The following AGBL4 variants were observed in gnomAD, a reference collection of about 807,000 sequenced individuals.
AGBL4 encodes the protein AGBL carboxypeptidase 4, also known as cytosolic carboxypeptidase 6.
In AGBL4, 58 loss-of-function variants were observed where a neutral mutation model predicts 66.4. The ratio of observed to expected loss-of-function variants is 0.87; its 90% CI spans 0.71 to 1.09. AGBL4 has a LOEUF of 1.09. AGBL4 is among the 50% of genes least tolerant of loss of function. AGBL4 has a pLI of 0.00. For synonymous variants in AGBL4, 234 were observed against 222.9 expected (o/e 1.05, Z -0.44); for missense variants, 579 against 631.0 (o/e 0.92, Z 0.88).
At chr1:49,877,642 C>T (rs1326492311) in intron 1 of AGBL4, among the ~76,000 whole-genome samples, 6 of 152,014 alleles carry the variant, frequency 3.9e-5, no homozygotes, top group South Asian at 2.1e-4. Flanking sequence ...TGTCTCTGCC[C>T]GACTTTGGTA....
intron 3 of AGBL4, among the ~76,000 whole-genome samples, chr1:49,393,854 A>C (rs991909505): frequency 6.6e-6 from 1 of 152,148 alleles, no homozygotes; most frequent in African/African-American, 2.4e-5. Flanking sequence ...TTACCTGATT[A>C]CTCACATTTA....
At chr1:49,947,916 C>T (rs1182456155) in intron 1 of AGBL4, among the ~76,000 whole-genome samples, 2 of 63,556 alleles carry the variant, frequency 3.1e-5, no homozygotes, top group African/African-American at 1.2e-4. Context: ...AGCTGAGAAT[C>T]AAATCAAGAA....
intron 3 of AGBL4, among the ~76,000 whole-genome samples, chr1:49,453,532 A>T (rs1646324448): frequency 6.6e-6 from 1 of 151,778 alleles, no homozygotes; most frequent in South Asian, 2.1e-4. Context: ...CAATAAAATA[A>T]ATACAATAGA....
intron 2 of AGBL4, among the ~76,000 whole-genome samples, chr1:49,810,330 TTA>T (rs1295506235): frequency 3.3e-5 from 5 of 152,098 alleles, no homozygotes; most frequent in Admixed American, 1.3e-4. Context: ...ATGTATGTCA[TTA>T]AAGGGCCTAT....
chr1:49,729,401 G>A (rs529544588), intron 2 of AGBL4, among the ~76,000 whole-genome samples: 24 of 152,038 alleles, frequency 1.6e-4, no homozygotes, highest in South Asian at 1.0e-3. Context: ...TTAAGAAACC[G>A]AATTTTATAT....
At chr1:48,894,255 C>G (rs1225362371) in intron 5 of AGBL4, among the ~76,000 whole-genome samples, 1 of 152,164 alleles carries the variant, frequency 6.6e-6, no homozygotes, top group African/African-American at 2.4e-5. Context: ...TACTTTATGT[C>G]AGACATTGTC....
intron 6 of AGBL4, among the ~76,000 whole-genome samples, chr1:48,823,713 A>G (rs1646364669): frequency 6.6e-6 from 1 of 152,210 alleles, no homozygotes; most frequent in African/African-American, 2.4e-5. Flanking sequence ...TCTCTAGGTC[A>G]GGAATAAATC....
chr1:49,122,416 A>G (rs1025263324), intron 4 of AGBL4, among the ~76,000 whole-genome samples: 5 of 152,204 alleles, frequency 3.3e-5, no homozygotes, highest in Non-Finnish European at 7.3e-5. Flanking sequence ...GGCTTCCTAA[A>G]TTTGATGAAA....
chr1:49,869,357 A>G (rs912607197), intron 1 of AGBL4, among the ~76,000 whole-genome samples: 3 of 152,242 alleles, frequency 2.0e-5, no homozygotes, highest in Admixed American at 1.3e-4. Context: ...ATGCCCATCA[A>G]TGATAGACTG....
intron 4 of AGBL4, among the ~76,000 whole-genome samples, chr1:49,131,539 C>T (rs910875431): frequency 6.6e-6 from 1 of 151,902 alleles, no homozygotes; most frequent in East Asian, 1.9e-4. Context: ...AGCAGCTAAC[C>T]CAAATTAGGG....
intron 5 of AGBL4, among the ~76,000 whole-genome samples, chr1:48,921,436 G>C (rs567061718): frequency 9.2e-5 from 14 of 152,154 alleles, no homozygotes; most frequent in Non-Finnish European, 1.9e-4. Flanking sequence ...AAGCGATACG[G>C]TAGGTAATAG....
chr1:49,869,825 G>A (rs1043072026), intron 1 of AGBL4, among the ~76,000 whole-genome samples: 1 of 152,112 alleles, frequency 6.6e-6, no homozygotes, highest in Non-Finnish European at 1.5e-5. Flanking sequence ...GAAGAGAAGG[G>A]GGATAAGGGG....
chr1:49,941,737 C>T (rs1200131061), intron 1 of AGBL4, among the ~76,000 whole-genome samples: 2 of 152,016 alleles, frequency 1.3e-5, no homozygotes, highest in East Asian at 3.9e-4. Flanking sequence ...TAAACCTCAA[C>T]ATATTAAAGA....
chr1:49,499,930 A>G (rs1289124337), intron 3 of AGBL4, among the ~76,000 whole-genome samples: 13 of 151,936 alleles, frequency 8.6e-5, no homozygotes, highest in Non-Finnish European at 7.4e-5. Context: ...TCTACTTTTC[A>G]TTCTTTAAAG....
At chr1:49,536,795 T>A (rs1001625855) in intron 3 of AGBL4, among the ~76,000 whole-genome samples, 2 of 152,044 alleles carry the variant, frequency 1.3e-5, no homozygotes, top group Non-Finnish European at 2.9e-5. Context: ...AGAAACCTGA[T>A]GTCAGGAGTT....
chr1:49,119,329 G>T (rs1247220119), intron 4 of AGBL4, among the ~76,000 whole-genome samples: 1 of 152,118 alleles, frequency 6.6e-6, no homozygotes, highest in Non-Finnish European at 1.5e-5. Flanking sequence ...TCTCTTGTGG[G>T]TATTCAGTGC....
At chr1:48,680,173 T>G (rs1195166463) in intron 6 of AGBL4, among the ~76,000 whole-genome samples, 1 of 152,222 alleles carries the variant, frequency 6.6e-6, no homozygotes, top group Non-Finnish European at 1.5e-5. Flanking sequence ...GCTTTCAGAT[T>G]CAGACTGGGA....
intron 2 of AGBL4, among the ~76,000 whole-genome samples, chr1:49,838,531 C>T (rs1645910279): frequency 6.6e-6 from 1 of 152,124 alleles, no homozygotes; most frequent in South Asian, 2.1e-4. Context: ...ATTCCTAAAC[C>T]TTCAGATGCC....
At chr1:49,710,954 G>A (rs1355262487) in intron 2 of AGBL4, among the ~76,000 whole-genome samples, 1 of 151,914 alleles carries the variant, frequency 6.6e-6, no homozygotes, top group East Asian at 1.9e-4. Flanking sequence ...AGATTTATGA[G>A]TTGCCAGGAA....
Sources: allele counts gnomAD v4.1 joint callset (sites outside exome capture counted in the v4.1 genomes callset), GRCh38; gene constraint gnomAD v4.1.1; transcripts MANE v1.5; gene names NCBI Gene and HGNC (gene_info 2026-07-23, HGNC 2026-07-21).